Variants in UNC13C observed in about 807,000 individuals in gnomAD.
The protein encoded by UNC13C is unc-13 homolog C.
A neutral mutation model predicts 245.4 loss-of-function variants in UNC13C; 174 were observed. That is an observed-to-expected ratio of 0.71 (90% CI 0.63 to 0.80). UNC13C has a LOEUF of 0.80. Ranked by LOEUF, UNC13C falls within the 30% of genes least tolerant of loss-of-function variation. The probability of loss-of-function intolerance (pLI) is 0.00; values close to 1 mark genes in which losing one functional copy is unlikely to be tolerated. For missense variants in UNC13C, 2,829 were observed against 2,602.9 expected, an observed-to-expected ratio of 1.09 and a Z score of -1.89; for synonymous variants, 992 against 895.1, an observed-to-expected ratio of 1.11 and a Z score of -1.93.
chr15:54,049,148 C>A (rs754203084), intron 2 of UNC13C: 11 of 394,298 alleles, frequency 2.8e-5, no homozygotes, highest in Non-Finnish European at 5.6e-5. Flanking sequence ...GAGGAAGAAG[C>A]TTTCCATCAT....
intron 17 of UNC13C, 31 bp from the exon 18 acceptor site, chr15:54,393,017 T>C (rs199974189): frequency 5.9e-6 from 9 of 1,535,358 alleles, no homozygotes; most frequent in African/African-American, 5.6e-5. Flanking sequence ...TTTAACCTTT[T>C]CTTTTGCATG....
At chr15:54,120,683 C>T (rs181368094) in intron 2 of UNC13C, among the ~76,000 whole-genome samples, 16 of 151,972 alleles carry the variant, frequency 1.1e-4, no homozygotes, top group Admixed American at 9.2e-4. Context: ...GGAAAGGATT[C>T]GCCATTCTAG....
At chr15:54,377,865 G>T (rs2039639837) in intron 17 of UNC13C, among the ~76,000 whole-genome samples, 1 of 152,184 alleles carries the variant, frequency 6.6e-6, no homozygotes, top group Non-Finnish European at 1.5e-5. Context: ...ATCAATGTAT[G>T]AATTTGGCCG....
At chr15:53,948,939 T>C in the UNC13C span, among the ~76,000 whole-genome samples, 1 of 152,178 alleles carries the variant, frequency 6.6e-6, no homozygotes, top group Admixed American at 6.5e-5. Flanking sequence ...ATTTATTCTT[T>C]ACACAGGATA....
chr15:54,608,200 A>T (rs1320152245), intron 30 of UNC13C, among the ~76,000 whole-genome samples: 1 of 152,228 alleles, frequency 6.6e-6, no homozygotes, highest in South Asian at 2.1e-4. Context: ...CTAATGTAAC[A>T]GAAATTAAAT....
intron 2 of UNC13C, among the ~76,000 whole-genome samples, chr15:54,119,104 A>G (rs1383914763): frequency 6.6e-6 from 1 of 151,896 alleles, no homozygotes; most frequent in Non-Finnish European, 1.5e-5. Flanking sequence ...AATATTTAGT[A>G]GAATTCAGTG....
chr15:54,550,478 C>T (rs912608792), intron 28 of UNC13C, among the ~76,000 whole-genome samples: 1 of 152,118 alleles, frequency 6.6e-6, no homozygotes, highest in Non-Finnish European at 1.5e-5. Flanking sequence ...CATTCCTCCC[C>T]CAGCTGGTAG....
At chr15:54,339,001 G>A (rs2038661947) in intron 17 of UNC13C, among the ~76,000 whole-genome samples, 1 of 152,152 alleles carries the variant, frequency 6.6e-6, no homozygotes, top group Non-Finnish European at 1.5e-5. Context: ...CCAGTAGCTG[G>A]GATTACAGGC....
chr15:54,539,172 CTGTTT>C (rs1271107716), intron 26 of UNC13C, among the ~76,000 whole-genome samples: 1 of 151,944 alleles, frequency 6.6e-6, no homozygotes. Flanking sequence ...ACTATGACTT[CTGTTT>C]TAATTCCATT....
At position 54,393,177 on chromosome 15, in the gene UNC13C, A is replaced by C. The variant is rs1358698411; in HGVS notation, c.4843A>C (p.Asn1615His). The C allele has an allele frequency of 6.3e-7, 1 of 1,577,920 alleles. No individual in the cohort carries two copies. The highest frequency in any genetic ancestry group is 2.3e-5 in the East Asian group (1 of 44,052). Residue 1615 changes from asparagine (N) to histidine (H), a missense_variant, in exon 18 of 33, where the codon AAT becomes CAT. Transcript: ENST00000260323. The part of the protein sequence containing the change: ...EDKTAYTPVL[N>H]QFPQELNMGK... ...TAAAACTGCCTACACACCTGTCCTG[A>C]ATCAGTAAGTACAATGTTTTGGAAA... is the stretch of plus-strand genomic sequence containing the variant.
intron 19 of UNC13C, among the ~76,000 whole-genome samples, chr15:54,455,205 C>CTCTCTCTCTCTCTCTCTA (rs1388065398): frequency 5.3e-5 from 1 of 18,962 alleles, no homozygotes; most frequent in Non-Finnish European, 9.2e-5. Context: ...CTCTCTCTCT[C>CTCTCTCTCTCTCTCTCTA]TATATATATA....
chr15:54,584,062 GT>G (rs1898347603), intron 30 of UNC13C, among the ~76,000 whole-genome samples: 1 of 152,082 alleles, frequency 6.6e-6, no homozygotes, highest in Non-Finnish European at 1.5e-5. Context: ...CTGTTCCTGC[GT>G]TTTGGTTTCA....
intron 1 of UNC13C, among the ~76,000 whole-genome samples, chr15:54,007,928 T>C (rs527522828): frequency 1.3e-5 from 2 of 152,290 alleles, no homozygotes; most frequent in East Asian, 3.9e-4. Flanking sequence ...TTTGTCTTCT[T>C]TGTCTGTCTT....
At chr15:53,866,839 A>C in the UNC13C span, among the ~76,000 whole-genome samples, 2 of 152,232 alleles carry the variant, frequency 1.3e-5, no homozygotes, top group Admixed American at 1.3e-4. Flanking sequence ...CTTTTCTTAC[A>C]TATGAACACA....
At chr15:54,506,914 T>C (rs982824527) in intron 22 of UNC13C, among the ~76,000 whole-genome samples, 1 of 152,122 alleles carries the variant, frequency 6.6e-6, no homozygotes, top group Non-Finnish European at 1.5e-5. Context: ...TAAAATTTAA[T>C]TAACATGGTT....
chr15:54,212,391 A>G (rs962635873), intron 4 of UNC13C, among the ~76,000 whole-genome samples: 1 of 152,122 alleles, frequency 6.6e-6, no homozygotes, highest in East Asian at 1.9e-4. Context: ...TACTGTTCAG[A>G]TGATTCTTAT....
At chr15:54,370,183 G>A (rs555363528) in intron 17 of UNC13C, among the ~76,000 whole-genome samples, 7 of 152,060 alleles carry the variant, frequency 4.6e-5, no homozygotes, top group South Asian at 4.2e-4. Flanking sequence ...AGACAATATG[G>A]TGGCTTGCTA....
chr15:53,971,126 A>G, the UNC13C span, among the ~76,000 whole-genome samples: 2 of 152,206 alleles, frequency 1.3e-5, no homozygotes, highest in East Asian at 1.9e-4. Flanking sequence ...GCATAATTTC[A>G]TATTCTCATT....
chr15:54,346,580 T>C (rs1311393937), intron 17 of UNC13C, among the ~76,000 whole-genome samples: 1 of 152,166 alleles, frequency 6.6e-6, no homozygotes, highest in Non-Finnish European at 1.5e-5. Flanking sequence ...TGAAGAACCA[T>C]ATAAAAATAA....
Sources: gnomAD v4.1 joint callset for allele counts (sites outside exome capture counted in the v4.1 genomes callset) on GRCh38, gnomAD v4.1.1 for gene constraint, MANE v1.5 for transcripts, NCBI Gene and HGNC (gene_info 2026-07-23, HGNC 2026-07-21) for gene names.